DOK7: variants seen among roughly 807,000 people sequenced by gnomAD.
DOK7 encodes the protein protein Dok-7.
In DOK7, 32 loss-of-function variants were observed where a neutral mutation model predicts 30.7. The observed-to-expected ratio is 1.04, with a 90% confidence interval of 0.79 to 1.40. The LOEUF (loss-of-function observed/expected upper bound fraction) is 1.40, where lower values mean the gene tolerates loss of function less well. Among genes scored for constraint, DOK7 ranks in the 40% most tolerant of loss-of-function variants. DOK7 has a pLI of 0.00. For missense variants in DOK7, 1,007 were observed against 699.2 expected, an observed-to-expected ratio of 1.44 and a Z score of -4.97; for synonymous variants, 447 against 324.1, an observed-to-expected ratio of 1.38 and a Z score of -4.07.
intron 5 of DOK7, 38 bp downstream of exon 5, chr4:3,485,696 T>A: frequency 6.6e-7 from 1 of 1,506,234 alleles, no homozygotes; most frequent in Middle Eastern, 1.8e-4. Flanking sequence ...GAGGGTGCGC[T>A]CGGCAGGCTG....
chr4:3,465,111 T>C (rs887532217), intron 2 of DOK7, among the ~76,000 whole-genome samples: 9 of 152,264 alleles, frequency 5.9e-5, no homozygotes, highest in African/African-American at 2.2e-4. Flanking sequence ...CTGGGACCCA[T>C]TGCTTTGGAC....
In DOK7 at chr4:3,494,172, C is replaced by T. The variant is rs896060532; in HGVS notation, c.*671C>T. Reference sequence around the variant, plus strand: ...TCAGAGCAGCCTCGCCTGCTGACCCCACTGGGAGAGGCGCCGTGCCTCGGG... The same window carrying T: ...TCAGAGCAGCCTCGCCTGCTGACCCTACTGGGAGAGGCGCCGTGCCTCGGG... On this transcript the variant is annotated 3_prime_UTR_variant, in exon 7 of 7. Transcript: ENST00000340083. 1.0e-6 allele frequency: 1 copy of T among 985,582 alleles called. No homozygotes were observed. The highest frequency in any genetic ancestry group is 1.2e-6 in the Non-Finnish European group (1 of 830,022). The allele number at this position is 985,582 out of a possible 1,614,324, so 61.1% of individuals were successfully genotyped here.
Position 3,489,672 on chromosome 4 carries a change from C to A in DOK7, c.653-5C>A. On this transcript the variant is annotated splice_polypyrimidine_tract_variant and splice_region_variant and intron_variant, in intron 5 of 6. Transcript: ENST00000340083. ...CTCCTCCACCGAGTCTTCTCTCTGC[C>A]ACAGACCCAAGTCCCCCGGGACCCT... 6.4e-7 allele frequency: 1 copy of A among 1,565,644 alleles called. No individual in the cohort carries two copies. The highest frequency in any genetic ancestry group is 2.4e-5 in the East Asian group (1 of 41,954).
At chr4:3,463,620 A>G in intron 2 of DOK7, 69 bp downstream of exon 2, 6 of 1,511,812 alleles carry the variant, frequency 4.0e-6, no homozygotes, top group Non-Finnish European at 5.3e-6. Context: ...CCGGGGCAGT[A>G]ATGCCAGCTT....
chr4:3,490,304 C>T lies in DOK7; in HGVS notation c.772+508C>T, dbSNP rs976661039. On this transcript the variant is annotated intron_variant, in intron 6 of 6. Transcript: ENST00000340083. Reference sequence around the variant, plus strand: ...CTTGCTCATTCATTTCTTCCTCCGCCCCCCCGGCTCATTCTTGCCTTACCT... The same window carrying T: ...CTTGCTCATTCATTTCTTCCTCCGCTCCCCCGGCTCATTCTTGCCTTACCT... 8.7e-4 allele frequency among the ~76,000 whole-genome samples: 89 copies of T among 102,360 alleles called. 1 individual carries two copies. The highest frequency in any genetic ancestry group is 2.9e-3 in the African/African-American group (85 of 29,006). 67.2% of individuals were successfully genotyped at this position (102,360 alleles called of 152,430 possible). A position where few individuals can be genotyped will look rare whatever the true frequency, so the allele number is the denominator to read the frequency against.
At chr4:3,474,821 C>CA (rs112450151) in intron 3 of DOK7, among the ~76,000 whole-genome samples, 9,569 of 147,760 alleles carry the variant, frequency 0.065, 539 homozygotes, top group African/African-American at 0.15. Flanking sequence ...GACTCCATCT[C>CA]AAAAAAAAAA....
chr4:3,498,045 G>A (rs1729008922), downstream of DOK7, among the ~76,000 whole-genome samples: 2 of 152,204 alleles, frequency 1.3e-5, no homozygotes, highest in Non-Finnish European at 2.9e-5. Flanking sequence ...AGAGGCCGGG[G>A]GCTCAGGAGG....
intron 4 of DOK7, among the ~76,000 whole-genome samples, chr4:3,480,336 A>T (rs1266395804): frequency 6.6e-6 from 1 of 152,202 alleles, no homozygotes; most frequent in Non-Finnish European, 1.5e-5. Flanking sequence ...GGCCAGGCAC[A>T]GTGGCTCATG....
intron 6 of DOK7, 106 bp from the exon 7 acceptor site, chr4:3,492,644 AAGGGGTGGG>A (rs1177180669): frequency 2.1e-6 from 3 of 1,455,130 alleles, no homozygotes; most frequent in South Asian, 2.4e-5. Context: ...TGGGGGCTGG[AAGGGGTGGG>A]GCGAGACCAG....
rs750004938 is a variant in DOK7 at position 3,489,790 on chromosome 4, A to G, written c.766A>G (p.Ser256Gly). Residue 256 changes from serine to glycine, a missense_variant, in exon 6 of 7, where the codon AGT becomes GGT. Ser to Gly is a moderately conservative substitution (Grantham distance 56). Coordinates refer to ENST00000340083, the MANE Select transcript of DOK7 (RefSeq NM_173660.5). ...SLLSHAGRPGSGGDDRSLSSS... is the reference protein window; with the variant it reads ...SLLSHAGRPGGGGDDRSLSSS... ...CCTCTCACATGCGGGCAGGCCGGGCAGTGGAGGTAGGGCCGGGGGCTGACC... is the reference window on the plus strand; with the variant it reads ...CCTCTCACATGCGGGCAGGCCGGGCGGTGGAGGTAGGGCCGGGGGCTGACC... The G allele has an allele frequency of 2.0e-5, 31 of 1,573,742 alleles. No individual in the cohort carries two copies. Among genetic ancestry groups the G allele is most frequent in the Admixed American group, 1.6e-4 (9 of 54,720 alleles).
At chr4:3,487,963 T>C (rs1727924185) in intron 5 of DOK7, among the ~76,000 whole-genome samples, 1 of 152,204 alleles carries the variant, frequency 6.6e-6, no homozygotes, top group Non-Finnish European at 1.5e-5. Context: ...TGGCTGAATG[T>C]GTCTGTGAAA....
rs1222912420 is a variant in DOK7 at position 3,473,785 on chromosome 4, C to T, written c.331+149C>T. On this transcript the variant is annotated intron_variant, in intron 3 of 6. Coordinates refer to ENST00000340083, the MANE Select transcript of DOK7 (RefSeq NM_173660.5). ...TGGGTGCCTTAGGGTGGACTGAGCT[C>T]CAGCCTGGGGGTGCCCACGAGGGTT... 1.1e-5 allele frequency: 9 copies of T among 807,956 alleles called. No homozygotes were observed. In the African/African-American group the frequency reaches 1.4e-4, roughly 12 times the overall value. 50.0% of individuals were successfully genotyped at this position (807,956 alleles called of 1,614,324 possible). A position where few individuals can be genotyped will look rare whatever the true frequency, so the allele number is the denominator to read the frequency against.
chr4:3,463,451 G>GTT, intron 1 of DOK7, 22 bp downstream of exon 1: 1 of 84,032 alleles, frequency 1.2e-5, no homozygotes, highest in African/African-American at 2.2e-4. Flanking sequence ...TCGGGGGCGC[G>GTT]GGGGGGGGGG....
At chr4:3,463,769 G>A (rs1346187738) in intron 2 of DOK7, among the ~76,000 whole-genome samples, 2 of 152,192 alleles carry the variant, frequency 1.3e-5, no homozygotes, top group Non-Finnish European at 2.9e-5. Flanking sequence ...ACTGAGGCCC[G>A]AGGGGCTGCC....
In DOK7 at chr4:3,476,365, G is replaced by T; in HGVS notation, c.355G>T (p.Ala119Ser). 6.2e-7 allele frequency: 1 copy of T among 1,608,580 alleles called. No individual in the cohort carries two copies. Among genetic ancestry groups the T allele is most frequent in the South Asian group, 1.1e-5 (1 of 90,938 alleles). Residue 119 changes from alanine (A) to serine (S), a missense_variant, in exon 4 of 7, where the codon GCT becomes TCT. Ala to Ser is a moderately conservative substitution (Grantham distance 99). Transcript: ENST00000340083. ...AGTGCATAGGTTCCATGTGACAGTG[G>T]CTCCAGGCACCAAGTTGGAGAGCGG... Reference protein sequence around the residue: ...GEVHRFHVTVAPGTKLESGPA... With the variant: ...GEVHRFHVTVSPGTKLESGPA...
rs1367023274 is a variant in DOK7, at chr4:3,493,613, C to A, written c.*112C>A. The A allele has an allele frequency of 1.3e-6, 2 of 1,507,574 alleles. No individual in the cohort carries two copies. The highest frequency in any genetic ancestry group is 2.8e-5 in the African/African-American group (2 of 71,484). 93.4% of individuals were successfully genotyped at this position (1,507,574 alleles called of 1,614,324 possible). Reference sequence around the variant, plus strand: ...GGTGCTCTGTGTTCTGTGGGAGGGACCGGGGGTCTCCCGGAGAGGGGAGCT... The same window carrying A: ...GGTGCTCTGTGTTCTGTGGGAGGGAACGGGGGTCTCCCGGAGAGGGGAGCT... On this transcript the variant is annotated 3_prime_UTR_variant, in exon 7 of 7. Transcript: ENST00000340083.
chr4:3,467,351 A>C (rs1163871596), intron 2 of DOK7, among the ~76,000 whole-genome samples: 3 of 118,158 alleles, frequency 2.5e-5, no homozygotes, highest in African/African-American at 9.8e-5. Context: ...TCATGACTCC[A>C]CAGTTATTTT....
rs142309172 is a variant in DOK7, at chr4:3,488,988, C to T, written c.653-689C>T. On this transcript the variant is annotated intron_variant, in intron 5 of 6. Transcript: ENST00000340083. ...GCAGTGATGCTGAGGCTCGCAGCAGCGGTGCTGAGGGGCCAGTGAGAGGTC... is the reference window on the plus strand; with the variant it reads ...GCAGTGATGCTGAGGCTCGCAGCAGTGGTGCTGAGGGGCCAGTGAGAGGTC... Among the ~76,000 whole-genome samples the T allele has an allele frequency of 3.0e-3, 464 of 152,280 alleles. 5 individuals are homozygous for T. Among genetic ancestry groups the T allele is most frequent in the African/African-American group, 0.01 (432 of 41,556 alleles).
At chr4:3,489,917 C>A in intron 6 of DOK7, 121 bp downstream of exon 6, 1 of 1,419,460 alleles carries the variant, frequency 7.0e-7, no homozygotes. Flanking sequence ...TTCATTCCTT[C>A]TGTCTCCTGC....
Sources: allele counts gnomAD v4.1 joint callset (sites outside exome capture counted in the v4.1 genomes callset), GRCh38; gene constraint gnomAD v4.1.1; transcripts MANE v1.5; gene names NCBI Gene and HGNC (gene_info 2026-07-23, HGNC 2026-07-21).